Variants in TMPRSS11A observed in about 807,000 individuals in gnomAD.
TMPRSS11A encodes transmembrane protease serine 11A.
A neutral mutation model predicts 58.9 loss-of-function variants in TMPRSS11A; 53 were observed. That is an observed-to-expected ratio of 0.90 (90% CI 0.72 to 1.13). TMPRSS11A has a LOEUF of 1.13. Among genes scored for constraint, TMPRSS11A ranks in the 50% most tolerant of loss-of-function variants. The probability of loss-of-function intolerance (pLI) is 0.00; values close to 1 mark genes in which losing one functional copy is unlikely to be tolerated. For missense variants in TMPRSS11A, 493 were observed against 499.3 expected, an observed-to-expected ratio of 0.99 and a Z score of 0.12; for synonymous variants, 167 against 169.8, an observed-to-expected ratio of 0.98 and a Z score of 0.13.
At chr4:67,953,293 C>G (rs907822177) in intron 1 of TMPRSS11A, among the ~76,000 whole-genome samples, 1 of 152,130 alleles carries the variant, frequency 6.6e-6, no homozygotes, top group Non-Finnish European at 1.5e-5. Flanking sequence ...CTCACTTATG[C>G]AAGTCTTAGT....
intron 2 of TMPRSS11A, among the ~76,000 whole-genome samples, chr4:67,946,047 T>G (rs1394424014): frequency 1.3e-5 from 2 of 152,162 alleles, no homozygotes; most frequent in African/African-American, 4.8e-5. Flanking sequence ...TGATGGTTCA[T>G]GAGTAAAAGA....
At chr4:67,918,181 T>A (rs905386351) in intron 8 of TMPRSS11A, among the ~76,000 whole-genome samples, 2 of 152,206 alleles carry the variant, frequency 1.3e-5, no homozygotes, top group African/African-American at 4.8e-5. Context: ...CCTTTTGCAT[T>A]TTCTCAAGCC....
At chr4:67,929,777 C>A (rs988417369) in intron 5 of TMPRSS11A, 103 bp downstream of exon 5, 2 of 1,094,248 alleles carry the variant, frequency 1.8e-6, no homozygotes, top group East Asian at 4.8e-5. Flanking sequence ...CATCTGAATT[C>A]TAGCTATTAT....
At chr4:67,960,248 C>A (rs1340269352) in intron 1 of TMPRSS11A, among the ~76,000 whole-genome samples, 2 of 152,100 alleles carry the variant, frequency 1.3e-5, no homozygotes, top group African/African-American at 4.8e-5. Context: ...ATCTATGTAA[C>A]AAACCTGCAG....
intron 3 of TMPRSS11A, among the ~76,000 whole-genome samples, chr4:67,935,580 A>G (rs893726784): frequency 2.6e-5 from 4 of 152,066 alleles, no homozygotes; most frequent in Non-Finnish European, 4.4e-5. Flanking sequence ...TAAACGGCAA[A>G]CCCTTTATGC....
chr4:67,921,862 G>T (rs1720339590), intron 7 of TMPRSS11A, among the ~76,000 whole-genome samples: 1 of 151,998 alleles, frequency 6.6e-6, no homozygotes, highest in Non-Finnish European at 1.5e-5. Context: ...AGAAGTCTTT[G>T]TTATTACTGT....
chr4:67,962,944 G>A (rs1332659412), intron 1 of TMPRSS11A, among the ~76,000 whole-genome samples: 1 of 152,110 alleles, frequency 6.6e-6, no homozygotes, highest in Non-Finnish European at 1.5e-5. Flanking sequence ...CTCTCAATCT[G>A]CATTAGTCCC....
In TMPRSS11A at chr4:67,950,704, T is replaced by C. The variant is rs192047401; in HGVS notation, c.12-4133A>G. 2.1e-3 allele frequency among the ~76,000 whole-genome samples: 327 copies of C among 152,294 alleles called. 3 individuals carry two copies. The highest frequency in any genetic ancestry group is 7.2e-3 in the African/African-American group (301 of 41,548). ...AAATCTACAGCCTTCAAAGAAAGCA[T>C]GTGAGATTTAAATATTCTTTTATTT... is the stretch of plus-strand genomic sequence containing the variant. On this transcript the variant is annotated intron_variant, in intron 1 of 9. Transcript: ENST00000508048.
chr4:67,925,604 G>A (rs1720446299), intron 5 of TMPRSS11A, among the ~76,000 whole-genome samples: 1 of 152,202 alleles, frequency 6.6e-6, no homozygotes. Context: ...ATTGTATGGT[G>A]AAGAGTCAAT....
chr4:67,916,300 A>G (rs1270382659), intron 8 of TMPRSS11A, among the ~76,000 whole-genome samples: 1 of 152,064 alleles, frequency 6.6e-6, no homozygotes, highest in Non-Finnish European at 1.5e-5. Context: ...ATTTGAAAAA[A>G]CCCTAATACA....
At chr4:67,955,711 A>G (rs1199310293) in intron 1 of TMPRSS11A, among the ~76,000 whole-genome samples, 1 of 151,986 alleles carries the variant, frequency 6.6e-6, no homozygotes, top group African/African-American at 2.4e-5. Context: ...GTGGGCCTCT[A>G]CTATATCTTA....
chr4:67,952,425 T>A (rs1018168262), intron 1 of TMPRSS11A, among the ~76,000 whole-genome samples: 3 of 152,208 alleles, frequency 2.0e-5, no homozygotes, highest in African/African-American at 7.2e-5. Context: ...ATTTATAGAA[T>A]CAGTGTAGAG....
chr4:67,942,897 T>A (rs949059918), intron 3 of TMPRSS11A, among the ~76,000 whole-genome samples: 1 of 152,026 alleles, frequency 6.6e-6, no homozygotes, highest in Non-Finnish European at 1.5e-5. Context: ...AAGTTCTCAG[T>A]AAAAAGAGAT....
At chr4:67,919,272 C>T (rs1020375828) in intron 7 of TMPRSS11A, 40 bp from the exon 8 acceptor site, 2 of 1,584,470 alleles carry the variant, frequency 1.3e-6, no homozygotes, top group Non-Finnish European at 1.7e-6. Flanking sequence ...ATATAAGCTG[C>T]CCAAAGTATA....
intron 5 of TMPRSS11A, among the ~76,000 whole-genome samples, chr4:67,926,559 C>A (rs1425832465): frequency 6.6e-6 from 1 of 152,172 alleles, no homozygotes; most frequent in Non-Finnish European, 1.5e-5. Flanking sequence ...ACTGTGCCAC[C>A]CCCAACCTCA....
intron 1 of TMPRSS11A, among the ~76,000 whole-genome samples, chr4:67,962,797 A>AT (rs1490514023): frequency 1.3e-5 from 2 of 152,112 alleles, no homozygotes; most frequent in African/African-American, 4.8e-5. Context: ...TAATTCATGT[A>AT]TTTTTTCTTC....
At chr4:67,933,016 A>G (rs924193400) in intron 3 of TMPRSS11A, among the ~76,000 whole-genome samples, 1 of 152,010 alleles carries the variant, frequency 6.6e-6, no homozygotes, top group African/African-American at 2.4e-5. Flanking sequence ...AAGGTACTAC[A>G]GTTCATGTTG....
chr4:67,916,934 T>C (rs929729436), intron 8 of TMPRSS11A, among the ~76,000 whole-genome samples: 8 of 152,150 alleles, frequency 5.3e-5, no homozygotes, highest in African/African-American at 1.9e-4. Flanking sequence ...CCACAACTTC[T>C]TCAGCAAACT....
At chr4:67,926,799 G>T (rs1051016088) in intron 5 of TMPRSS11A, among the ~76,000 whole-genome samples, 5 of 152,184 alleles carry the variant, frequency 3.3e-5, no homozygotes, top group Admixed American at 6.5e-5. Context: ...AGGCACGGAG[G>T]GGTGGGCAGA....
Sources: gnomAD v4.1 joint callset for allele counts (sites outside exome capture counted in the v4.1 genomes callset) on GRCh38, gnomAD v4.1.1 for gene constraint, MANE v1.5 for transcripts, NCBI Gene and HGNC (gene_info 2026-07-23, HGNC 2026-07-21) for gene names.